SH3RF2: variants seen among roughly 807,000 people sequenced by gnomAD.
SH3RF2 encodes SH3 domain containing ring finger 2.
SH3RF2 carries 43 observed loss-of-function variants against 59.0 expected under a neutral mutation model. That is an observed-to-expected ratio of 0.73 (90% CI 0.57 to 0.94). The LOEUF is 0.94. Ranked by LOEUF, SH3RF2 falls within the 40% of genes least tolerant of loss-of-function variation. SH3RF2 has a pLI of 0.00. For missense variants in SH3RF2, 930 were observed against 940.1 expected (o/e 0.99, Z 0.14); for synonymous variants, 391 against 391.5 (o/e 1.00, Z 0.01).
At chr5:145,990,444 G>C (rs972136599) in intron 2 of SH3RF2, among the ~76,000 whole-genome samples, 1 of 152,158 alleles carries the variant, frequency 6.6e-6, no homozygotes, top group Non-Finnish European at 1.5e-5. Context: ...CTGAGGGTTT[G>C]GGATATTCTA....
intron 4 of SH3RF2, among the ~76,000 whole-genome samples, chr5:146,005,950 A>G (rs1760628690): frequency 1.3e-5 from 2 of 152,148 alleles, no homozygotes; most frequent in South Asian, 4.1e-4. Context: ...TTAAAGAGCA[A>G]ACCATTCACT....
chr5:145,955,974 G>A (rs1758392241), intron 2 of SH3RF2, among the ~76,000 whole-genome samples: 1 of 152,078 alleles, frequency 6.6e-6, no homozygotes, highest in African/African-American at 2.4e-5. Context: ...GAAAATTGAG[G>A]CCAGATTCCA....
Position 145,997,865 on chromosome 5 carries a change from A to G in SH3RF2, c.379-2193A>G. 4.6e-6 allele frequency: 5 copies of G among 1,079,308 alleles called. No homozygotes were observed. The South Asian group carries it at 6.2e-5, about 13-fold the overall frequency. The allele number at this position is 1,079,308 out of a possible 1,614,324, so 66.9% of individuals were successfully genotyped here. A position where few individuals can be genotyped will look rare whatever the true frequency, so the allele number is the denominator to read the frequency against. The stretch of plus-strand genomic sequence containing the variant: ...AAACAACTCACATCTTGAAATGCTC[A>G]GTGCCCTTGCCAACAGAACTCAGCT... On this transcript the variant is annotated intron_variant, in intron 2 of 9. Coordinates refer to ENST00000359120, the MANE Select transcript of SH3RF2 (RefSeq NM_152550.4).
rs1023676968 is a variant in SH3RF2 at position 145,938,252 on chromosome 5, T to C, written c.324T>C (p.Arg108=). The C allele has an allele frequency of 5.0e-6, 8 of 1,604,990 alleles. No homozygotes were observed. Among genetic ancestry groups the C allele is most frequent in the African/African-American group, 4.0e-5 (3 of 74,878 alleles). ...DGRKSRTNPR[R]LQASPFRLVP... ...GGAAAAGCAGGACCAACCCCAGACG[T>C]CTGCAGGCCAGTCCTTTCCGGCTAG... Residue 108 remains arginine (R), a synonymous_variant, in exon 2 of 10, where the codon CGT becomes CGC. Transcript: ENST00000359120.
At chr5:146,072,800 G>A (rs1200781259) in intron 9 of SH3RF2, among the ~76,000 whole-genome samples, 1 of 152,188 alleles carries the variant, frequency 6.6e-6, no homozygotes, top group African/African-American at 2.4e-5. Context: ...CAGATGACCT[G>A]GATCCAAATA....
chr5:145,993,113 G>A (rs1334008639), intron 2 of SH3RF2, among the ~76,000 whole-genome samples: 3 of 152,076 alleles, frequency 2.0e-5, no homozygotes, highest in Non-Finnish European at 4.4e-5. Context: ...CCCCATGCAA[G>A]TCCAAAATCA....
At chr5:145,993,806 G>C (rs1035960988) in intron 2 of SH3RF2, among the ~76,000 whole-genome samples, 3 of 151,928 alleles carry the variant, frequency 2.0e-5, no homozygotes, top group Non-Finnish European at 4.4e-5. Flanking sequence ...ATGCCCTGGA[G>C]ACATGTTCCC....
intron 5 of SH3RF2, among the ~76,000 whole-genome samples, chr5:146,015,528 T>G (rs1166864882): frequency 1.3e-5 from 2 of 152,186 alleles, no homozygotes; most frequent in Admixed American, 6.5e-5. Flanking sequence ...GTCACAGAAT[T>G]TTTTGAAACG....
chr5:146,057,980 C>CTATATATATATATATATA (rs1196213101), intron 8 of SH3RF2, among the ~76,000 whole-genome samples: 30 of 129,388 alleles, frequency 2.3e-4, no homozygotes, highest in African/African-American at 7.9e-4. Flanking sequence ...ATCTATCTAT[C>CTATATATATATATATATA]TATCTATATA....
intron 7 of SH3RF2, among the ~76,000 whole-genome samples, chr5:146,050,987 C>T (rs1015596011): frequency 3.2e-4 from 49 of 152,186 alleles, no homozygotes; most frequent in African/African-American, 1.1e-3. Context: ...GTAATCCTAA[C>T]ACTTTGGGAG....
intron 2 of SH3RF2, among the ~76,000 whole-genome samples, chr5:145,978,147 T>G (rs1303858426): frequency 6.6e-6 from 1 of 152,218 alleles, no homozygotes; most frequent in Admixed American, 6.5e-5. Context: ...GGATTCCGAT[T>G]ATCTGCAAAA....
intron 1 of SH3RF2, among the ~76,000 whole-genome samples, chr5:145,937,600 C>T (rs1192827930): frequency 1.3e-5 from 2 of 152,170 alleles, no homozygotes; most frequent in Non-Finnish European, 2.9e-5. Flanking sequence ...TCCACATAGG[C>T]AATAAGCAGT....
chr5:145,940,434 TGCAACCATGAAA>T (rs1757774358), intron 2 of SH3RF2, among the ~76,000 whole-genome samples: 1 of 152,214 alleles, frequency 6.6e-6, no homozygotes, highest in Non-Finnish European at 1.5e-5. Flanking sequence ...CTATCTTTTT[TGCAACCATGAAA>T]GCAACCATGC....
chr5:145,955,634 G>C (rs780035824), intron 2 of SH3RF2, among the ~76,000 whole-genome samples: 10 of 152,170 alleles, frequency 6.6e-5, no homozygotes, highest in Non-Finnish European at 1.3e-4. Context: ...ACCAAAACTT[G>C]TCAGAGAAGT....
intron 2 of SH3RF2, among the ~76,000 whole-genome samples, chr5:145,941,782 G>T (rs1434193354): frequency 6.6e-6 from 1 of 152,144 alleles, no homozygotes; most frequent in Non-Finnish European, 1.5e-5. Flanking sequence ...CTGTAAATTG[G>T]AGATAATGGT....
At chr5:146,006,737 G>T (rs1048649844) in intron 4 of SH3RF2, among the ~76,000 whole-genome samples, 1 of 152,188 alleles carries the variant, frequency 6.6e-6, no homozygotes, top group Admixed American at 6.5e-5. Flanking sequence ...AGGTTATGCC[G>T]TGGCAATAAA....
downstream of SH3RF2, among the ~76,000 whole-genome samples, chr5:146,067,162 C>A (rs936068987): frequency 3.3e-5 from 5 of 152,108 alleles, no homozygotes; most frequent in Non-Finnish European, 7.4e-5. Flanking sequence ...GAGTTTAAAG[C>A]AGCGCCCCTA....
At chr5:146,032,276 C>A (rs1029197142) in intron 5 of SH3RF2, among the ~76,000 whole-genome samples, 11 of 152,070 alleles carry the variant, frequency 7.2e-5, no homozygotes, top group Non-Finnish European at 1.3e-4. Context: ...CCTCTTGAAC[C>A]AGCTACCAAG....
downstream of SH3RF2, among the ~76,000 whole-genome samples, chr5:146,064,586 GGAGAGAGAGAGAGAGAGAGAGAGAGAGA>G (rs70998047): frequency 2.4e-5 from 1 of 41,408 alleles, no homozygotes; most frequent in East Asian, 8.9e-4. Flanking sequence ...GAAGGAAGGG[GGAGAGAGAGAGAGAGAGAGAGAGAGAGA>G]GGGAGAGAGA....
Sources: allele counts gnomAD v4.1 joint callset (sites outside exome capture counted in the v4.1 genomes callset), GRCh38; gene constraint gnomAD v4.1.1; transcripts MANE v1.5; gene names NCBI Gene and HGNC (gene_info 2026-07-23, HGNC 2026-07-21).